Variants in LRRC4C observed in about 807,000 individuals in gnomAD.
The protein encoded by LRRC4C is leucine rich repeat containing 4C.
Under a neutral mutation model 33.6 loss-of-function variants are expected in LRRC4C, and 5 were observed. The ratio of observed to expected loss-of-function variants is 0.15; its 90% CI spans 0.08 to 0.31. The LOEUF is 0.31. LRRC4C is among the 10% of genes least tolerant of loss of function. The pLI, the probability that LRRC4C is intolerant of heterozygous loss-of-function variation, is 1.00. For missense variants in LRRC4C, 560 were observed against 796.7 expected (o/e 0.70, Z 3.58); for synonymous variants, 329 against 302.0 (o/e 1.09, Z -0.93).
At chr11:41,056,923 T>C (rs547578471) in intron 1 of LRRC4C, among the ~76,000 whole-genome samples, 24 of 152,156 alleles carry the variant, frequency 1.6e-4, no homozygotes, top group African/African-American at 5.8e-4. Flanking sequence ...CAGGGACAAG[T>C]GGGAACCCCA....
intron 1 of LRRC4C, among the ~76,000 whole-genome samples, chr11:41,365,740 C>A (rs1028822007): frequency 1.3e-5 from 2 of 152,126 alleles, no homozygotes; most frequent in Non-Finnish European, 2.9e-5. Context: ...AGCATTCTCA[C>A]TGTAGCTAAC....
At chr11:40,636,522 A>G (rs1340059011) in intron 3 of LRRC4C, among the ~76,000 whole-genome samples, 1 of 152,176 alleles carries the variant, frequency 6.6e-6, no homozygotes, top group Non-Finnish European at 1.5e-5. Flanking sequence ...ATGATATACA[A>G]CAAGTGGGCT....
intron 1 of LRRC4C, among the ~76,000 whole-genome samples, chr11:41,255,073 C>G (rs1948756659): frequency 6.6e-6 from 1 of 152,070 alleles, no homozygotes; most frequent in East Asian, 1.9e-4. Flanking sequence ...CTATGAAAAA[C>G]TAAAGAGGTA....
intron 3 of LRRC4C, among the ~76,000 whole-genome samples, chr11:40,588,791 G>A (rs1591196789): frequency 6.6e-6 from 1 of 152,190 alleles, no homozygotes; most frequent in Non-Finnish European, 1.5e-5. Flanking sequence ...GCAGTTTTGA[G>A]TGAGATTCGT....
chr11:41,021,198 AGAGAGAGAGAGAGAGAGTGTGT>A (rs1382247379), intron 1 of LRRC4C, among the ~76,000 whole-genome samples: 34 of 34,528 alleles, frequency 9.8e-4, no homozygotes, highest in African/African-American at 2.4e-3. Context: ...AGAGAGAGAG[AGAGAGAGAGAGAGAGAGTGTGT>A]GTGTGTGTGT....
At chr11:41,174,605 T>C (rs1480181865) in intron 1 of LRRC4C, among the ~76,000 whole-genome samples, 2 of 152,138 alleles carry the variant, frequency 1.3e-5, no homozygotes, top group Non-Finnish European at 2.9e-5. Context: ...TGCAATTTTC[T>C]GTCATCATGT....
chr11:40,393,021 A>G (rs1291995693), intron 3 of LRRC4C, among the ~76,000 whole-genome samples: 1 of 152,110 alleles, frequency 6.6e-6, no homozygotes, highest in African/African-American at 2.4e-5. Context: ...AAATAAAGGC[A>G]TGTATAAAGG....
intron 5 of LRRC4C, among the ~76,000 whole-genome samples, chr11:40,144,108 T>A (rs1174420554): frequency 1.3e-5 from 2 of 152,294 alleles, no homozygotes; most frequent in East Asian, 3.9e-4. Context: ...AGGTTTCAAT[T>A]TCCTCATCTG....
At chr11:41,089,802 G>A (rs560572365) in intron 1 of LRRC4C, among the ~76,000 whole-genome samples, 1 of 151,858 alleles carries the variant, frequency 6.6e-6, no homozygotes, top group African/African-American at 2.4e-5. Context: ...ATGTCGAAAC[G>A]ATAATAGATG....
chr11:40,182,394 G>T (rs372407495), intron 5 of LRRC4C, among the ~76,000 whole-genome samples: 1 of 152,062 alleles, frequency 6.6e-6, no homozygotes, highest in East Asian at 1.9e-4. Context: ...ATTCTTCAGG[G>T]TACACATAAA....
At chr11:40,154,733 A>G (rs933040192) in intron 5 of LRRC4C, among the ~76,000 whole-genome samples, 3 of 152,194 alleles carry the variant, frequency 2.0e-5, no homozygotes, top group Non-Finnish European at 4.4e-5. Context: ...AAGAAATGAG[A>G]TAGACAGCAA....
At chr11:40,307,558 T>C (rs1048052799) in intron 4 of LRRC4C, among the ~76,000 whole-genome samples, 1 of 152,220 alleles carries the variant, frequency 6.6e-6, no homozygotes, top group African/African-American at 2.4e-5. Context: ...ATGTCATTTT[T>C]GTTCAATCAC....
intron 1 of LRRC4C, among the ~76,000 whole-genome samples, chr11:41,012,448 G>A (rs1023374974): frequency 2.0e-5 from 3 of 151,898 alleles, no homozygotes; most frequent in Non-Finnish European, 4.4e-5. Context: ...ATTCAATTGT[G>A]TATATATATA....
chr11:40,554,846 C>A (rs1957271724), intron 3 of LRRC4C, among the ~76,000 whole-genome samples: 1 of 145,018 alleles, frequency 6.9e-6, no homozygotes, highest in Admixed American at 6.7e-5. Flanking sequence ...CTCAGCCTCC[C>A]GAGTAGCTGG....
rs185089690 is a variant in LRRC4C at position 41,176,352 on chromosome 11, C to T, written c.-495-242629G>A. Reference sequence around the variant, plus strand: ...AGGAGAACCATCTAAAGACAATAATCTTTAAAATTTAAAGTGATTAAACAG... The same window carrying T: ...AGGAGAACCATCTAAAGACAATAATTTTTAAAATTTAAAGTGATTAAACAG... On this transcript the variant is annotated intron_variant, in intron 1 of 6. Coordinates refer to ENST00000528697, the MANE Select transcript of LRRC4C (RefSeq NM_001258419.2). Among the ~76,000 whole-genome samples the T allele has an allele frequency of 1.6e-3, 242 of 152,224 alleles. 2 individuals are homozygous for T. The highest frequency in any genetic ancestry group is 5.5e-3 in the African/African-American group (229 of 41,562).
At chr11:41,372,785 CAAAA>C (rs33945657) in intron 1 of LRRC4C, among the ~76,000 whole-genome samples, 12 of 118,028 alleles carry the variant, frequency 1.0e-4, no homozygotes, top group Admixed American at 1.7e-4. Context: ...AAGAGGGCAC[CAAAA>C]AAAAAAAAAA....
intron 2 of LRRC4C, among the ~76,000 whole-genome samples, chr11:40,823,568 A>G (rs1445997857): frequency 6.6e-6 from 1 of 151,832 alleles, no homozygotes; most frequent in Non-Finnish European, 1.5e-5. Flanking sequence ...CAAAGAAGAT[A>G]TATGAATAGC....
intron 1 of LRRC4C, among the ~76,000 whole-genome samples, chr11:41,281,762 C>A (rs1399223755): frequency 6.6e-6 from 1 of 152,174 alleles, no homozygotes. Flanking sequence ...GCTACTTGTT[C>A]AATATTGGCA....
At chr11:40,992,433 G>A (rs1853647802) in intron 1 of LRRC4C, among the ~76,000 whole-genome samples, 1 of 124,330 alleles carries the variant, frequency 8.0e-6, no homozygotes, top group Admixed American at 8.1e-5. Flanking sequence ...AAACAAAAGT[G>A]GTTTTTTTTT....
Sources: gnomAD v4.1 joint callset for allele counts (sites outside exome capture counted in the v4.1 genomes callset) on GRCh38, gnomAD v4.1.1 for gene constraint, MANE v1.5 for transcripts, NCBI Gene and HGNC (gene_info 2026-07-23, HGNC 2026-07-21) for gene names.